SHQ1: variants seen among roughly 807,000 people sequenced by gnomAD.
The protein encoded by SHQ1 is protein SHQ1 homolog.
In SHQ1, 49 loss-of-function variants were observed where a neutral mutation model predicts 53.8. The ratio of observed to expected loss-of-function variants is 0.91; its 90% confidence interval spans 0.72 to 1.16. The LOEUF is 1.16. Among genes scored for constraint, SHQ1 ranks in the 50% most tolerant of loss-of-function variants. SHQ1 has a pLI of 0.00. For synonymous variants in SHQ1, 243 were observed against 251.0 expected (o/e 0.97, Z 0.30); for missense variants, 738 against 683.1 (o/e 1.08, Z -0.90).
At chr3:72,817,751 C>A (rs993872907) in intron 6 of SHQ1, among the ~76,000 whole-genome samples, 21 of 152,132 alleles carry the variant, frequency 1.4e-4, no homozygotes, top group African/African-American at 5.1e-4. Flanking sequence ...TGAAAATATT[C>A]GTTATCCATT....
At chr3:72,751,518 A>G (rs1705377449) in intron 10 of SHQ1, among the ~76,000 whole-genome samples, 1 of 137,980 alleles carries the variant, frequency 7.2e-6, no homozygotes, top group African/African-American at 3.1e-5. Context: ...GTATATATAT[A>G]TATATATATA....
chr3:72,822,445 T>G (rs1481976534), intron 6 of SHQ1, among the ~76,000 whole-genome samples: 4 of 152,124 alleles, frequency 2.6e-5, no homozygotes, highest in Non-Finnish European at 5.9e-5. Context: ...CTAAGAGCAT[T>G]GCTGACACAG....
chr3:72,815,803 C>T (rs1707294553), intron 7 of SHQ1, among the ~76,000 whole-genome samples: 1 of 152,128 alleles, frequency 6.6e-6, no homozygotes, highest in Non-Finnish European at 1.5e-5. Context: ...ACCTGTGGCA[C>T]TTAAGAAGCT....
intron 10 of SHQ1, among the ~76,000 whole-genome samples, chr3:72,767,555 G>C (rs1215891104): frequency 1.3e-5 from 2 of 152,198 alleles, no homozygotes; most frequent in Non-Finnish European, 2.9e-5. Context: ...TTCTATTATA[G>C]TGATCACAAC....
chr3:72,780,252 G>T (rs1054170850), intron 10 of SHQ1, among the ~76,000 whole-genome samples: 2 of 152,162 alleles, frequency 1.3e-5, no homozygotes, highest in African/African-American at 2.4e-5. Flanking sequence ...GTGAAAGCTT[G>T]ACCTGTATGA....
intron 5 of SHQ1, 65 bp downstream of exon 5, chr3:72,832,304 A>C (rs1707845959): frequency 4.2e-6 from 5 of 1,182,512 alleles, no homozygotes; most frequent in Non-Finnish European, 6.3e-6. Context: ...AGTTTAAAAG[A>C]CACTCAAAAA....
chr3:72,844,523 AT>A, intron 1 of SHQ1, 100 bp from the exon 2 acceptor site: 2 of 894,188 alleles, frequency 2.2e-6, no homozygotes, highest in East Asian at 2.5e-5. Flanking sequence ...TATATCAATC[AT>A]TTTTTAAGAA....
intron 4 of SHQ1, among the ~76,000 whole-genome samples, chr3:72,836,016 T>C (rs1707980542): frequency 1.3e-5 from 2 of 152,206 alleles, no homozygotes; most frequent in Admixed American, 1.3e-4. Flanking sequence ...ATCATCTTCT[T>C]CACTGTATCC....
chr3:72,792,135 A>T (rs1706457983), intron 10 of SHQ1, among the ~76,000 whole-genome samples: 1 of 152,226 alleles, frequency 6.6e-6, no homozygotes, highest in South Asian at 2.1e-4. Context: ...TGGCTAGCCA[A>T]TAAATGCAGA....
At chr3:72,836,916 CAG>C (rs1160927281) in intron 4 of SHQ1, among the ~76,000 whole-genome samples, 1 of 152,154 alleles carries the variant, frequency 6.6e-6, no homozygotes, top group Non-Finnish European at 1.5e-5. Context: ...ACAGGTTAGG[CAG>C]AGACAATCCA....
chr3:72,734,736 A>G, the SHQ1 span, among the ~76,000 whole-genome samples: 2 of 151,718 alleles, frequency 1.3e-5, no homozygotes, highest in Admixed American at 6.6e-5. Context: ...TTATGAATAC[A>G]GTAGGTGCTC....
the SHQ1 span, among the ~76,000 whole-genome samples, chr3:72,734,899 A>G: frequency 6.6e-6 from 1 of 151,504 alleles, no homozygotes; most frequent in Non-Finnish European, 1.5e-5. Flanking sequence ...CCCTCATCCT[A>G]GAGACAACAT....
At chr3:72,754,464 C>T (rs1296495879) in intron 10 of SHQ1, among the ~76,000 whole-genome samples, 3 of 152,022 alleles carry the variant, frequency 2.0e-5, no homozygotes, top group Non-Finnish European at 4.4e-5. Flanking sequence ...TCACCACAAC[C>T]TTCACTTCCT....
the SHQ1 span, among the ~76,000 whole-genome samples, chr3:72,728,452 C>A: frequency 2.0e-5 from 3 of 152,328 alleles, no homozygotes; most frequent in South Asian, 6.2e-4. Context: ...ACACATCCAC[C>A]ACTTCTGTCT....
At chr3:72,743,371 A>G in the SHQ1 span, among the ~76,000 whole-genome samples, 1 of 152,140 alleles carries the variant, frequency 6.6e-6, no homozygotes, top group Non-Finnish European at 1.5e-5. Context: ...CTGCCAGCCT[A>G]GGGGGCAGTG....
intron 10 of SHQ1, among the ~76,000 whole-genome samples, chr3:72,766,089 G>A (rs890328086): frequency 1.3e-5 from 2 of 152,090 alleles, no homozygotes; most frequent in African/African-American, 4.8e-5. Flanking sequence ...TTTTTTGTGA[G>A]TATTTAGGGA....
intron 3 of SHQ1, among the ~76,000 whole-genome samples, 193 bp downstream of exon 3, chr3:72,842,087 C>T (rs1047623272): frequency 2.0e-5 from 3 of 152,130 alleles, no homozygotes; most frequent in Non-Finnish European, 4.4e-5. Context: ...TGTGAGTGAT[C>T]TGGTTCAATA....
At chr3:72,766,355 C>T (rs1050681606) in intron 10 of SHQ1, among the ~76,000 whole-genome samples, 3 of 152,246 alleles carry the variant, frequency 2.0e-5, no homozygotes, top group African/African-American at 7.2e-5. Context: ...TTGTACCATC[C>T]ATCCACCTCT....
intron 5 of SHQ1, among the ~76,000 whole-genome samples, chr3:72,827,208 C>T (rs968360385): frequency 6.6e-6 from 1 of 152,072 alleles, no homozygotes; most frequent in Non-Finnish European, 1.5e-5. Flanking sequence ...TGAGAAATAA[C>T]GACTCCTGCT....
Sources: gnomAD v4.1 joint callset for allele counts (sites outside exome capture counted in the v4.1 genomes callset) on GRCh38, gnomAD v4.1.1 for gene constraint, MANE v1.5 for transcripts, NCBI Gene and HGNC (gene_info 2026-07-23, HGNC 2026-07-21) for gene names.